Variants in CA10 observed in about 807,000 individuals in gnomAD.
The protein encoded by CA10 is carbonic anhydrase 10 (inactive), also known as carbonic anhydrase-related protein 10.
CA10 carries 14 observed loss-of-function variants against 44.2 expected under a neutral mutation model. The observed-to-expected ratio is 0.32, with a 90% CI of 0.21 to 0.50. The LOEUF is 0.50. Ranked by LOEUF, CA10 falls within the 20% of genes least tolerant of loss-of-function variation. The pLI, the probability that CA10 is intolerant of heterozygous loss-of-function variation, is 0.99. For synonymous variants in CA10, 159 were observed against 141.6 expected (o/e 1.12, Z -0.87); for missense variants, 350 against 409.7 (o/e 0.85, Z 1.26).
At chr17:51,703,283 G>C (rs148726628) in intron 4 of CA10, among the ~76,000 whole-genome samples, 4 of 152,216 alleles carry the variant, frequency 2.6e-5, no homozygotes, top group Middle Eastern at 3.4e-3. Flanking sequence ...TAGTTATAGT[G>C]ATTATGTTCT....
At chr17:51,672,669 A>C (rs1914470996) in intron 4 of CA10, among the ~76,000 whole-genome samples, 1 of 152,222 alleles carries the variant, frequency 6.6e-6, no homozygotes. Flanking sequence ...CCAGAATGAA[A>C]GTGAACTCCA....
Position 51,874,571 on chromosome 17 carries a change from G to A in CA10, c.279+56419C>T, listed in dbSNP as rs527428458. On this transcript the variant is annotated intron_variant, in intron 3 of 8. Coordinates refer to ENST00000451037, the MANE Select transcript of CA10 (RefSeq NM_020178.5). ...CATGCACCAGGAAAGGCATATGAGAGAGCACCAGGTGACCTCATTATTAAC... is the reference window on the plus strand; with the variant it reads ...CATGCACCAGGAAAGGCATATGAGAAAGCACCAGGTGACCTCATTATTAAC... 1.1e-4 allele frequency among the ~76,000 whole-genome samples: 17 copies of A among 152,232 alleles called. No homozygotes were observed. In the South Asian group the frequency reaches 3.5e-3, roughly 32 times the overall value.
At chr17:52,064,808 G>A (rs930112311) in intron 2 of CA10, among the ~76,000 whole-genome samples, 9 of 152,160 alleles carry the variant, frequency 5.9e-5, no homozygotes, top group Admixed American at 2.6e-4. Flanking sequence ...TAGGTCCAAT[G>A]CTGATCAGAA....
chr17:51,970,388 T>A (rs1598146178), intron 2 of CA10, among the ~76,000 whole-genome samples: 1 of 2,856 alleles, frequency 3.5e-4, no homozygotes, highest in South Asian at 4.5e-3. Context: ...AGTTTTATTA[T>A]TTTTTTGTTC....
chr17:51,947,393 A>G (rs1004943002), intron 2 of CA10, among the ~76,000 whole-genome samples: 44 of 152,094 alleles, frequency 2.9e-4, no homozygotes, highest in African/African-American at 1.0e-3. Context: ...AACACAGCAT[A>G]TGTTCTTGTC....
At chr17:51,853,069 G>A (rs949067278) in intron 3 of CA10, among the ~76,000 whole-genome samples, 6 of 152,102 alleles carry the variant, frequency 3.9e-5, no homozygotes, top group African/African-American at 1.2e-4. Context: ...AAGGAGACAA[G>A]CGGATAGCTA....
intron 1 of CA10, 39 bp downstream of exon 1, chr17:52,157,687 A>G (rs368674548): frequency 2.1e-5 from 34 of 1,589,116 alleles, no homozygotes; most frequent in Non-Finnish European, 2.9e-5. Context: ...ACATCACAAC[A>G]TAATCCAAAT....
At chr17:51,915,707 G>A (rs1981966791) in intron 3 of CA10, among the ~76,000 whole-genome samples, 2 of 152,036 alleles carry the variant, frequency 1.3e-5, no homozygotes, top group South Asian at 2.1e-4. Flanking sequence ...TCACAAATCA[G>A]TATACAGATG....
intron 3 of CA10, among the ~76,000 whole-genome samples, chr17:51,790,784 T>C (rs1452924322): frequency 6.6e-6 from 1 of 152,246 alleles, no homozygotes; most frequent in African/African-American, 2.4e-5. Context: ...ATCTCATTCA[T>C]ATTAACATTT....
At chr17:51,919,833 T>A (rs1982157851) in intron 3 of CA10, among the ~76,000 whole-genome samples, 1 of 152,250 alleles carries the variant, frequency 6.6e-6, no homozygotes, top group East Asian at 1.9e-4. Flanking sequence ...TGTAATTTTT[T>A]AGTAGAGACG....
intron 1 of CA10, among the ~76,000 whole-genome samples, chr17:52,108,818 T>C (rs952415956): frequency 2.6e-5 from 4 of 151,260 alleles, no homozygotes; most frequent in African/African-American, 9.7e-5. Context: ...TGTATACTGC[T>C]CAGTGATGGG....
intron 1 of CA10, among the ~76,000 whole-genome samples, chr17:52,072,755 G>A (rs1390510577): frequency 6.6e-6 from 1 of 150,984 alleles, no homozygotes; most frequent in Non-Finnish European, 1.5e-5. Context: ...TGAGGAGACA[G>A]TAGGCAGATC....
intron 3 of CA10, among the ~76,000 whole-genome samples, chr17:51,921,945 A>G (rs1194606900): frequency 6.6e-6 from 1 of 152,152 alleles, no homozygotes; most frequent in Non-Finnish European, 1.5e-5. Context: ...TAGAGTTGAA[A>G]TCACTTCACC....
chr17:51,819,966 CTCTG>C (rs1398975889), intron 3 of CA10, among the ~76,000 whole-genome samples: 2 of 152,140 alleles, frequency 1.3e-5, no homozygotes, highest in Non-Finnish European at 2.9e-5. Context: ...TTGTCTCTGT[CTCTG>C]TCTGTCCTTG....
At chr17:51,859,432 C>G (rs555359491) in intron 3 of CA10, among the ~76,000 whole-genome samples, 59 of 152,240 alleles carry the variant, frequency 3.9e-4, no homozygotes, top group African/African-American at 1.3e-3. Context: ...ATCCTGTTCC[C>G]TCATATTGGA....
intron 1 of CA10, among the ~76,000 whole-genome samples, chr17:52,115,149 C>A (rs1359278912): frequency 1.3e-5 from 2 of 152,224 alleles, no homozygotes; most frequent in Non-Finnish European, 2.9e-5. Context: ...GCCTCTTCAG[C>A]TCCTGTGTGG....
intron 1 of CA10, among the ~76,000 whole-genome samples, chr17:52,103,583 A>T (rs776372149): frequency 6.6e-6 from 1 of 152,040 alleles, no homozygotes; most frequent in East Asian, 1.9e-4. Context: ...GGGAAACTCA[A>T]CATTTGCTAG....
At chr17:51,690,904 T>A (rs909070858) in intron 4 of CA10, among the ~76,000 whole-genome samples, 15 of 148,396 alleles carry the variant, frequency 1.0e-4, no homozygotes, top group African/African-American at 4.0e-4. Flanking sequence ...ATGACAGAAT[T>A]TCCTTCCTTT....
At chr17:51,933,087 G>A (rs1035030434) in intron 2 of CA10, among the ~76,000 whole-genome samples, 9 of 152,128 alleles carry the variant, frequency 5.9e-5, no homozygotes, top group Non-Finnish European at 1.2e-4. Flanking sequence ...GAACTGAGTG[G>A]CCCTTGGTAA....
Sources: gnomAD v4.1 joint callset for allele counts (sites outside exome capture counted in the v4.1 genomes callset) on GRCh38, gnomAD v4.1.1 for gene constraint, MANE v1.5 for transcripts, NCBI Gene and HGNC (gene_info 2026-07-23, HGNC 2026-07-21) for gene names.